Variants in PLXDC2 observed in about 807,000 individuals in gnomAD.
The protein encoded by PLXDC2 is plexin domain-containing protein 2.
A neutral mutation model predicts 68.9 loss-of-function variants in PLXDC2; 40 were observed. The observed-to-expected ratio is 0.58, with a 90% confidence interval of 0.45 to 0.76. The LOEUF (loss-of-function observed/expected upper bound fraction) is 0.76. PLXDC2 is among the 30% of genes least tolerant of loss of function. The probability of loss-of-function intolerance (pLI) is 0.00; values close to 1 mark genes in which losing one functional copy is unlikely to be tolerated. For missense variants in PLXDC2, 644 were observed against 661.9 expected, an observed-to-expected ratio of 0.97 and a Z score of 0.30; for synonymous variants, 243 against 234.2, an observed-to-expected ratio of 1.04 and a Z score of -0.34.
At position 20,175,161 on chromosome 10, in the gene PLXDC2, T is replaced by C. The variant is rs369469774; in HGVS notation, c.884-1838T>C. Among the ~76,000 whole-genome samples the C allele has an allele frequency of 5.3e-5, 8 of 152,272 alleles. No individual in the cohort carries two copies. In the East Asian group the frequency reaches 1.5e-3, roughly 29 times the overall value. ...TGTCATATTAAAGTTAGGCAAAAAG[T>C]GTATCTAATATGTATTGAGCATTTA... On this transcript the variant is annotated intron_variant, in intron 7 of 13. Transcript: ENST00000377252.
chr10:19,931,559 T>A (rs1192653123), intron 1 of PLXDC2, among the ~76,000 whole-genome samples: 1 of 152,258 alleles, frequency 6.6e-6, no homozygotes, highest in African/African-American at 2.4e-5. Context: ...ACTCTCCTTC[T>A]AATGCCAGTA....
intron 7 of PLXDC2, among the ~76,000 whole-genome samples, chr10:20,174,371 A>G (rs990214695): frequency 4.6e-5 from 7 of 152,184 alleles, no homozygotes; most frequent in African/African-American, 1.4e-4. Context: ...TGAAACCAGC[A>G]TTTCCTCTGA....
At position 20,007,501 on chromosome 10, in the gene PLXDC2, C is replaced by G. The variant is rs140505098; in HGVS notation, c.324+5515C>G. On this transcript the variant is annotated intron_variant, in intron 2 of 13. Transcript: ENST00000377252. ...ACATTGAAAGTGTTTATTAAAAGGACTGTACTGTGTGATTTTTTGCCTTGA... is the reference window on the plus strand; with the variant it reads ...ACATTGAAAGTGTTTATTAAAAGGAGTGTACTGTGTGATTTTTTGCCTTGA... Among the ~76,000 whole-genome samples, 607 of 152,328 alleles carry G rather than the reference C, an allele frequency of 4.0e-3. 4 individuals are homozygous for G. Among genetic ancestry groups the G allele is most frequent in the African/African-American group, 0.014 (591 of 41,576 alleles).
At chr10:20,102,191 A>G (rs1056906226) in intron 4 of PLXDC2, among the ~76,000 whole-genome samples, 5 of 152,154 alleles carry the variant, frequency 3.3e-5, no homozygotes, top group African/African-American at 9.7e-5. Flanking sequence ...GTTTATTTCT[A>G]TAGTTCAGAA....
intron 1 of PLXDC2, among the ~76,000 whole-genome samples, chr10:19,957,102 G>T (rs1035961317): frequency 2.6e-5 from 4 of 152,078 alleles, no homozygotes; most frequent in Admixed American, 6.6e-5. Context: ...TCATAAAAAA[G>T]ATTTATATGC....
rs940770787 is a variant in PLXDC2 at position 19,816,859 on chromosome 10, C to A, written c.-221C>A. On this transcript the variant is annotated 5_prime_UTR_variant, in exon 1 of 14. Transcript: ENST00000377252. The stretch of plus-strand genomic sequence containing the variant: ...TGAGGGCTGCGAGTGTGGCAAGTTG[C>A]AAAGAGAGCCTCAGAGGTCCGAAGA... 1.7e-6 allele frequency: 1 copy of A among 579,868 alleles called. No individual in the cohort carries two copies. The highest frequency in any genetic ancestry group is 3.2e-5 in the Admixed American group (1 of 31,104). The allele number at this position is 579,868 out of a possible 1,614,324, so 35.9% of individuals were successfully genotyped here.
At chr10:20,193,486 G>T (rs1315650364) in intron 9 of PLXDC2, among the ~76,000 whole-genome samples, 4 of 152,066 alleles carry the variant, frequency 2.6e-5, no homozygotes, top group Non-Finnish European at 5.9e-5. Context: ...TGATAGAATA[G>T]TGTTTGCAGA....
chr10:19,906,399 A>T (rs1209657664), intron 1 of PLXDC2, among the ~76,000 whole-genome samples: 1 of 152,148 alleles, frequency 6.6e-6, no homozygotes, highest in African/African-American at 2.4e-5. Flanking sequence ...TGTGGACAAG[A>T]GCTTGTATTA....
At chr10:20,198,936 T>C (rs1053325851) in intron 9 of PLXDC2, among the ~76,000 whole-genome samples, 1 of 152,086 alleles carries the variant, frequency 6.6e-6, no homozygotes, top group Non-Finnish European at 1.5e-5. Flanking sequence ...CATTTTGTTA[T>C]GTTTCTAACT....
At chr10:19,891,784 A>C (rs1055380158) in intron 1 of PLXDC2, among the ~76,000 whole-genome samples, 5 of 152,242 alleles carry the variant, frequency 3.3e-5, no homozygotes, top group African/African-American at 9.6e-5. Context: ...CAAGTCTAAT[A>C]AACCAAAGAA....
At chr10:20,002,668 G>T (rs1448522800) in intron 2 of PLXDC2, among the ~76,000 whole-genome samples, 1 of 152,142 alleles carries the variant, frequency 6.6e-6, no homozygotes, top group East Asian at 1.9e-4. Flanking sequence ...TGATGAAACT[G>T]CTTGGGATTG....
At position 20,189,476 on chromosome 10, in the gene PLXDC2, CATATATATATATATATATAT is replaced by C. The variant is rs59999548; in HGVS notation, c.1061+12077_1061+12096del. Among the ~76,000 whole-genome samples, 5 of 75,784 alleles carry C rather than the reference CATATATATATATATATATAT, an allele frequency of 6.6e-5. No homozygotes were observed. In the South Asian group the frequency reaches 2.0e-3, roughly 30 times the overall value. The allele number at this position is 75,784 out of a possible 152,430, so 49.7% of individuals were successfully genotyped here. A position where few individuals can be genotyped will look rare whatever the true frequency, so the allele number is the denominator to read the frequency against. ...CACACTTTTTAAAAGAAAGGTAGGCCATATATATATATATATATATATATATATACACATACACACACATA... is the reference window on the plus strand; with the variant it reads ...CACACTTTTTAAAAGAAAGGTAGGCCATATATATACACATACACACACATA... On this transcript the variant is annotated intron_variant, in intron 9 of 13. Coordinates refer to ENST00000377252, the MANE Select transcript of PLXDC2 (RefSeq NM_032812.9).
intron 6 of PLXDC2, among the ~76,000 whole-genome samples, chr10:20,154,385 G>A (rs1163654403): frequency 2.0e-5 from 3 of 152,042 alleles, no homozygotes; most frequent in Admixed American, 6.6e-5. Context: ...GCAACATGGT[G>A]TAACCCTGTC....
At chr10:19,976,284 G>T (rs1271420631) in intron 1 of PLXDC2, among the ~76,000 whole-genome samples, 1 of 151,988 alleles carries the variant, frequency 6.6e-6, no homozygotes, top group Non-Finnish European at 1.5e-5. Flanking sequence ...TGCGATCTTG[G>T]CTCACTGCAA....
At chr10:19,825,258 G>A (rs773222824) in intron 1 of PLXDC2, among the ~76,000 whole-genome samples, 7 of 152,080 alleles carry the variant, frequency 4.6e-5, no homozygotes, top group African/African-American at 1.2e-4. Flanking sequence ...TCGAGGTCTC[G>A]TCCTGTAGGT....
chr10:19,972,360 C>G (rs1375206553), intron 1 of PLXDC2, among the ~76,000 whole-genome samples: 2 of 152,070 alleles, frequency 1.3e-5, no homozygotes, highest in Non-Finnish European at 2.9e-5. Flanking sequence ...ACCAAATACC[C>G]CACGTTATCA....
intron 12 of PLXDC2, among the ~76,000 whole-genome samples, chr10:20,227,180 C>A (rs1361642616): frequency 6.6e-6 from 1 of 151,912 alleles, no homozygotes; most frequent in Non-Finnish European, 1.5e-5. Context: ...GTGTACCAGG[C>A]CCATTGTTAG....
chr10:20,130,879 C>T (rs1168858255), intron 4 of PLXDC2, among the ~76,000 whole-genome samples: 1 of 152,044 alleles, frequency 6.6e-6, no homozygotes, highest in South Asian at 2.1e-4. Flanking sequence ...ATTAGATTTT[C>T]TATTATTTGG....
chr10:19,987,648 G>A (rs1834666283), intron 1 of PLXDC2, among the ~76,000 whole-genome samples: 1 of 151,554 alleles, frequency 6.6e-6, no homozygotes, highest in African/African-American at 2.4e-5. Flanking sequence ...TGCAAGCTCA[G>A]CCTCCAGGGT....
Sources: gnomAD v4.1 joint callset for allele counts (sites outside exome capture counted in the v4.1 genomes callset) on GRCh38, gnomAD v4.1.1 for gene constraint, MANE v1.5 for transcripts, NCBI Gene and HGNC (gene_info 2026-07-23, HGNC 2026-07-21) for gene names.